PAX5: variants seen among roughly 807,000 people sequenced by gnomAD.
PAX5 encodes paired box 5.
In PAX5, 9 loss-of-function variants were observed where a neutral mutation model predicts 43.7. The observed-to-expected ratio is 0.21, with a 90% CI of 0.12 to 0.36. The LOEUF is 0.36. Among genes scored for constraint, PAX5 ranks in the 10% least tolerant of loss-of-function variants. The probability of loss-of-function intolerance (pLI) is 1.00; values close to 1 mark genes in which losing one functional copy is unlikely to be tolerated. For missense variants in PAX5, 383 were observed against 532.7 expected, an observed-to-expected ratio of 0.72 and a Z score of 2.77; for synonymous variants, 228 against 214.3, an observed-to-expected ratio of 1.06 and a Z score of -0.56.
chr9:36,848,575 C>G (rs898661030), intron 8 of PAX5, among the ~76,000 whole-genome samples: 1 of 152,156 alleles, frequency 6.6e-6, no homozygotes, highest in South Asian at 2.1e-4. Flanking sequence ...TCCTCCTCCT[C>G]AGGTGGGGGA....
At chr9:36,876,033 G>A (rs1224971591) in intron 8 of PAX5, among the ~76,000 whole-genome samples, 1 of 152,210 alleles carries the variant, frequency 6.6e-6, no homozygotes, top group Admixed American at 6.5e-5. Flanking sequence ...CTATGGAAGG[G>A]AAACCCAGAT....
At chr9:36,964,205 C>T (rs971247278) in intron 6 of PAX5, among the ~76,000 whole-genome samples, 6 of 150,734 alleles carry the variant, frequency 4.0e-5, no homozygotes, top group African/African-American at 7.3e-5. Context: ...GGCGCGAACC[C>T]GGGAGGTGGA....
At position 36,923,530 on chromosome 9, in the gene PAX5, C is replaced by T. The variant is rs761795090; in HGVS notation, c.781-46G>A. 1.0e-5 allele frequency: 16 copies of T among 1,570,390 alleles called. No individual in the cohort carries two copies. In the South Asian group the frequency reaches 1.7e-4, roughly 17 times the overall value. ...GTCTCAGCACCAAGACTCCACAGTA[C>T]CTTAGTCAAATGCCAACTCCACGTT... On this transcript the variant is annotated intron_variant, in intron 6 of 9. Transcript: ENST00000358127.
At chr9:37,025,630 C>CGGCGTTAAA (rs2132530641) in intron 1 of PAX5, among the ~76,000 whole-genome samples, 1 of 152,298 alleles carries the variant, frequency 6.6e-6, no homozygotes, top group Non-Finnish European at 1.5e-5. Context: ...GAATCTAATC[C>CGGCGTTAAA]GGCGTTAACT....
At chr9:36,998,616 A>G (rs2132369069) in intron 5 of PAX5, among the ~76,000 whole-genome samples, 1 of 152,374 alleles carries the variant, frequency 6.6e-6, no homozygotes, top group African/African-American at 2.4e-5. Context: ...AAATGTGGCC[A>G]GTACAATCGA....
intron 8 of PAX5, among the ~76,000 whole-genome samples, chr9:36,874,719 T>C (rs1825766700): frequency 6.6e-6 from 1 of 152,200 alleles, no homozygotes; most frequent in Non-Finnish European, 1.5e-5. Flanking sequence ...CATTTCTGAC[T>C]GGATTCTTCT....
At chr9:36,927,124 G>A (rs965850827) in intron 6 of PAX5, among the ~76,000 whole-genome samples, 4 of 152,140 alleles carry the variant, frequency 2.6e-5, no homozygotes, top group East Asian at 1.9e-4. Context: ...GCTGGAACTC[G>A]ATTGTGAAGG....
chr9:36,978,460 C>G (rs987628805), intron 5 of PAX5, among the ~76,000 whole-genome samples: 2 of 152,030 alleles, frequency 1.3e-5, no homozygotes, highest in Non-Finnish European at 2.9e-5. Context: ...CCTTTTATGG[C>G]CTTCATGCAC....
chr9:36,901,674 C>T lies in PAX5; in HGVS notation c.911-19569G>A, dbSNP rs138772729. Among the ~76,000 whole-genome samples the T allele has an allele frequency of 5.2e-3, 789 of 152,206 alleles. 5 individuals carry two copies. The highest frequency in any genetic ancestry group is 8.0e-3 in the African/African-American group (332 of 41,554). Reference sequence around the variant, plus strand: ...TCTGGGATTGGAGCCCAGCGCTGTCCGACCCCACGCCCTAAACACCTAATG... The same window carrying T: ...TCTGGGATTGGAGCCCAGCGCTGTCTGACCCCACGCCCTAAACACCTAATG... On this transcript the variant is annotated intron_variant, in intron 7 of 9. Transcript: ENST00000358127.
rs1840409138 is a variant in PAX5, at chr9:37,026,670, C to G, written c.47-5869G>C. 3.9e-5 allele frequency: 52 copies of G among 1,340,016 alleles called. No homozygotes were observed. In the South Asian group the frequency reaches 6.4e-4, roughly 17 times the overall value. 83.0% of individuals were successfully genotyped at this position (1,340,016 alleles called of 1,614,324 possible). The stretch of plus-strand genomic sequence containing the variant: ...TAGGGAGCCTCGCCACCAGGCCAGG[C>G]ACTGTGCGAGCTGGGCTCAGAAAAC... On this transcript the variant is annotated intron_variant, in intron 1 of 9. Transcript: ENST00000358127.
At chr9:36,945,899 A>G (rs1196221171) in intron 6 of PAX5, among the ~76,000 whole-genome samples, 2 of 152,192 alleles carry the variant, frequency 1.3e-5, no homozygotes, top group African/African-American at 2.4e-5. Flanking sequence ...ATACAGGCAA[A>G]CTGCCCAGAT....
At chr9:36,975,331 C>T (rs987309764) in intron 5 of PAX5, among the ~76,000 whole-genome samples, 2 of 152,002 alleles carry the variant, frequency 1.3e-5, no homozygotes, top group East Asian at 1.9e-4. Context: ...CATGGGGGCC[C>T]GGGTTCGAAT....
At chr9:36,854,673 C>A (rs931819840) in intron 8 of PAX5, among the ~76,000 whole-genome samples, 1 of 152,184 alleles carries the variant, frequency 6.6e-6, no homozygotes, top group African/African-American at 2.4e-5. Flanking sequence ...CACAGCAAGA[C>A]CTTCCTGGGC....
intron 5 of PAX5, among the ~76,000 whole-genome samples, chr9:36,991,635 C>A (rs1836949801): frequency 6.6e-6 from 1 of 152,188 alleles, no homozygotes; most frequent in Non-Finnish European, 1.5e-5. Context: ...CTGGGCACTG[C>A]CACCTCCGAC....
chr9:37,012,626 A>G (rs1216208611), intron 3 of PAX5, among the ~76,000 whole-genome samples: 1 of 152,208 alleles, frequency 6.6e-6, no homozygotes, highest in East Asian at 1.9e-4. Context: ...GCCCCTTCAC[A>G]GTCTTTGCCA....
rs1175636397 is a variant in PAX5 at position 36,839,316 on chromosome 9, C to A, written c.*1244G>T. 1 of 233,400 alleles carries A rather than the reference C, an allele frequency of 4.3e-6. No individual in the cohort carries two copies. Among genetic ancestry groups the A allele is most frequent in the African/African-American group, 2.2e-5 (1 of 45,372 alleles). The allele number at this position is 233,400 out of a possible 1,614,324, so 14.5% of individuals were successfully genotyped here. On this transcript the variant is annotated 3_prime_UTR_variant, in exon 10 of 10. Coordinates refer to ENST00000358127, the MANE Select transcript of PAX5 (RefSeq NM_016734.3). ...TGGCCGTGGCCCTGACCATCGCGGCCCCTTAGATCAACAGGTGGGCATGCA... is the reference window on the plus strand; with the variant it reads ...TGGCCGTGGCCCTGACCATCGCGGCACCTTAGATCAACAGGTGGGCATGCA...
At chr9:36,928,738 C>G (rs1473248396) in intron 6 of PAX5, among the ~76,000 whole-genome samples, 2 of 152,142 alleles carry the variant, frequency 1.3e-5, no homozygotes, top group African/African-American at 4.8e-5. Flanking sequence ...ATATTAAAGC[C>G]CCTGGGTGGT....
chr9:36,975,986 G>A (rs1337311050), intron 5 of PAX5, among the ~76,000 whole-genome samples: 2 of 152,208 alleles, frequency 1.3e-5, no homozygotes, highest in Admixed American at 6.5e-5. Context: ...TTGCAGGGCT[G>A]TATGGCTCAG....
intron 8 of PAX5, among the ~76,000 whole-genome samples, chr9:36,858,860 C>T (rs1233099677): frequency 6.6e-6 from 1 of 152,196 alleles, no homozygotes; most frequent in Admixed American, 6.5e-5. Flanking sequence ...CTGCTGGGCT[C>T]AGCGCTGAGG....
Sources: allele counts gnomAD v4.1 joint callset (sites outside exome capture counted in the v4.1 genomes callset), GRCh38; gene constraint gnomAD v4.1.1; transcripts MANE v1.5; gene names NCBI Gene and HGNC (gene_info 2026-07-23, HGNC 2026-07-21).